RAB5B: variants seen among roughly 807,000 people sequenced by gnomAD.
RAB5B encodes the protein ras-related protein Rab-5B.
In RAB5B, 11 loss-of-function variants were observed where a neutral mutation model predicts 28.6. The observed-to-expected ratio is 0.38, with a 90% CI of 0.24 to 0.64. The LOEUF (loss-of-function observed/expected upper bound fraction) is 0.64, where lower values mean the gene tolerates loss of function less well. Among genes scored for constraint, RAB5B ranks in the 30% least tolerant of loss-of-function variants. The probability of loss-of-function intolerance (pLI) is 0.53; values close to 1 mark genes in which losing one functional copy is unlikely to be tolerated. For synonymous variants in RAB5B, 93 were observed against 97.9 expected (o/e 0.95, Z 0.29); for missense variants, 169 against 265.6 (o/e 0.64, Z 2.53).
chr12:55,986,984 G>C lies in RAB5B; in HGVS notation c.24G>C (p.Arg8Ser), dbSNP rs1889970385. 1 of 1,553,766 alleles carries C rather than the reference G, an allele frequency of 6.4e-7. No individual in the cohort carries two copies. Among genetic ancestry groups the C allele is most frequent in the Non-Finnish European group, 8.7e-7 (1 of 1,144,618 alleles). The change falls in exon 2 of 6, where the codon AGG becomes AGC. Residue 8 changes from arginine to serine, a missense_variant. Arg to Ser is a moderately radical substitution (Grantham distance 110). This residue lies in a region of RAB5B where 43 missense variants were observed against 85.8 expected (regional missense o/e 0.50). Transcript: ENST00000360299. Reference sequence around the variant, plus strand: ...CCATGACTAGCAGAAGCACAGCTAGGCCCAATGGGCAACCCCAGGCCAGCA... The same window carrying C: ...CCATGACTAGCAGAAGCACAGCTAGCCCCAATGGGCAACCCCAGGCCAGCA... MTSRSTA[R>S]PNGQPQASKI... is the part of the protein sequence containing the mutation.
At chr12:55,980,691 C>T (rs549522524) in intron 1 of RAB5B, 2 of 1,585,832 alleles carry the variant, frequency 1.3e-6, no homozygotes, top group African/African-American at 1.3e-5. Context: ...AAGAGGTGCT[C>T]CACCCCAGCT....
chr12:55,991,458 G>C lies in RAB5B; in HGVS notation c.532+5G>C. 2 of 1,609,366 alleles carry C rather than the reference G, an allele frequency of 1.2e-6. No individual in the cohort carries two copies. The highest frequency in any genetic ancestry group is 1.7e-6 in the Non-Finnish European group (2 of 1,175,756). On this transcript the variant is annotated splice_donor_5th_base_variant and intron_variant, in intron 5 of 5. Coordinates refer to ENST00000360299, the MANE Select transcript of RAB5B (RefSeq NM_002868.4). ...ATGATCTCTTCCTGGCAATAGGTAA[G>C]GTCAGAACATCCTGAGGTCCTCCTT... is the stretch of plus-strand genomic sequence containing the variant.
chr12:55,980,316 ACC>A, intron 1 of RAB5B: 1 of 833,538 alleles, frequency 1.2e-6, no homozygotes, highest in Non-Finnish European at 2.0e-6. Flanking sequence ...TTTACCATCT[ACC>A]TATGTGTCCC....
At chr12:55,987,264 G>A (rs903316385) in intron 2 of RAB5B, 141 bp downstream of exon 2, 116 of 780,982 alleles carry the variant, frequency 1.5e-4, no homozygotes, top group African/African-American at 6.2e-4. Context: ...AGGTTCGAGC[G>A]ATTCTCATGC....
At chr12:55,977,735 G>A (rs1206535265) in intron 1 of RAB5B, among the ~76,000 whole-genome samples, 2 of 152,162 alleles carry the variant, frequency 1.3e-5, no homozygotes, top group African/African-American at 2.4e-5. Flanking sequence ...TCCCACTTCC[G>A]TTTTGGGAAA....
chr12:55,976,777 G>T (rs548797951), intron 1 of RAB5B, among the ~76,000 whole-genome samples: 3 of 152,028 alleles, frequency 2.0e-5, no homozygotes, highest in African/African-American at 7.3e-5. Context: ...ATTTGAAATC[G>T]GTTTTCCTCT....
chr12:55,992,437 C>G lies in RAB5B; in HGVS notation c.*225C>G. On this transcript the variant is annotated 3_prime_UTR_variant, in exon 6 of 6. Coordinates refer to ENST00000360299, the MANE Select transcript of RAB5B (RefSeq NM_002868.4). ...ACCCCCTACTCTGGGGCTTGGGGGTCAACTCCCCCCAGGACTTACCTTCCA... is the reference window on the plus strand; with the variant it reads ...ACCCCCTACTCTGGGGCTTGGGGGTGAACTCCCCCCAGGACTTACCTTCCA... 1 of 677,978 alleles carries G rather than the reference C, an allele frequency of 1.5e-6. No individual in the cohort carries two copies. Among genetic ancestry groups the G allele is most frequent in the Non-Finnish European group, 2.7e-6 (1 of 370,804 alleles). The allele number at this position is 677,978 out of a possible 1,614,324, so 42.0% of individuals were successfully genotyped here. A position where few individuals can be genotyped will look rare whatever the true frequency, so the allele number is the denominator to read the frequency against.
At chr12:55,987,213 T>C (rs971974650) in intron 2 of RAB5B, 90 bp downstream of exon 2, 3 of 1,322,884 alleles carry the variant, frequency 2.3e-6, no homozygotes, top group Non-Finnish European at 3.1e-6. Context: ...CAGGCTGGAG[T>C]GCAGTGGCGC....
At chr12:55,984,890 T>C (rs1889911800) in intron 1 of RAB5B, among the ~76,000 whole-genome samples, 2 of 152,240 alleles carry the variant, frequency 1.3e-5, no homozygotes, top group Non-Finnish European at 2.9e-5. Flanking sequence ...ATGAGGATGG[T>C]ATTTTTTCCA....
intron 2 of RAB5B, 105 bp from the exon 3 acceptor site, chr12:55,989,842 G>A: frequency 7.6e-7 from 1 of 1,319,848 alleles, no homozygotes; most frequent in South Asian, 1.2e-5. Flanking sequence ...TATCCTGGGT[G>A]GTGACTGGTC....
intron 1 of RAB5B, among the ~76,000 whole-genome samples, chr12:55,977,243 G>A (rs769969341): frequency 2.2e-4 from 34 of 151,916 alleles, no homozygotes; most frequent in Non-Finnish European, 3.8e-4. Context: ...CCAAAGCACT[G>A]GGATTACAGG....
chr12:55,988,701 C>A (rs1890023950), intron 2 of RAB5B, among the ~76,000 whole-genome samples: 1 of 151,982 alleles, frequency 6.6e-6, no homozygotes, highest in Non-Finnish European at 1.5e-5. Context: ...CAGGGTTTCA[C>A]CGTGTTGGCC....
intron 3 of RAB5B, 174 bp downstream of exon 3, chr12:55,990,272 G>T (rs1457970713): frequency 9.0e-6 from 6 of 663,380 alleles, no homozygotes; most frequent in Non-Finnish European, 1.4e-5. Context: ...GTTGGGCGTG[G>T]TGGTGCGCGC....
intron 1 of RAB5B, among the ~76,000 whole-genome samples, chr12:55,979,100 C>T (rs1889728812): frequency 6.6e-6 from 1 of 151,998 alleles, no homozygotes; most frequent in Non-Finnish European, 1.5e-5. Context: ...ACTGTGGGAC[C>T]CTACGGGCCT....
intron 1 of RAB5B, among the ~76,000 whole-genome samples, chr12:55,981,223 C>G (rs908839298): frequency 6.6e-6 from 1 of 151,998 alleles, no homozygotes; most frequent in African/African-American, 2.4e-5. Context: ...ACCACCACAC[C>G]CAGCTAATTT....
At chr12:55,987,461 G>A (rs1889984718) in intron 2 of RAB5B, among the ~76,000 whole-genome samples, 1 of 152,066 alleles carries the variant, frequency 6.6e-6, no homozygotes, top group South Asian at 2.1e-4. Flanking sequence ...ACCACGCCGG[G>A]CCGGTAAGGC....
At chr12:55,989,473 C>A (rs1196950269) in intron 2 of RAB5B, among the ~76,000 whole-genome samples, 1 of 150,066 alleles carries the variant, frequency 6.7e-6, no homozygotes, top group African/African-American at 2.5e-5. Flanking sequence ...CGGGTTTTGC[C>A]GTGTTGGCCA....
At chr12:55,986,488 C>T (rs1889954888) in intron 1 of RAB5B, among the ~76,000 whole-genome samples, 1 of 151,956 alleles carries the variant, frequency 6.6e-6, no homozygotes, top group Non-Finnish European at 1.5e-5. Flanking sequence ...ACCAGGATGC[C>T]AAGGAGATAC....
chr12:55,992,368 C>T lies in RAB5B; in HGVS notation c.*156C>T, dbSNP rs1234708259. ...ACAGCTCCGTCATGGCACTTTTTAA[C>T]GCTTCAGCAACAAACACCAGGCAGC... On this transcript the variant is annotated 3_prime_UTR_variant, in exon 6 of 6. Transcript: ENST00000360299. The T allele has an allele frequency of 2.0e-5, 14 of 712,370 alleles. No individual in the cohort carries two copies. The highest frequency in any genetic ancestry group is 9.2e-5 in the Admixed American group (4 of 43,280). The allele number at this position is 712,370 out of a possible 1,614,324, so 44.1% of individuals were successfully genotyped here.
Sources: allele counts gnomAD v4.1 joint callset (sites outside exome capture counted in the v4.1 genomes callset), GRCh38; gene constraint gnomAD v4.1.1; regional missense constraint gnomAD v4.1.1; transcripts MANE v1.5; gene names NCBI Gene and HGNC (gene_info 2026-07-23, HGNC 2026-07-21).